The following TAB2 variants were observed in gnomAD, a reference collection of about 807,000 sequenced individuals.
TAB2 encodes the protein TGF-beta activated kinase 1 (MAP3K7) binding protein 2.
A neutral mutation model predicts 65.0 loss-of-function variants in TAB2; 3 were observed. The ratio of observed to expected loss-of-function variants is 0.05; its 90% CI spans 0.02 to 0.12. The LOEUF is 0.12. TAB2 is among the 10% of genes least tolerant of loss of function. The pLI is 1.00. For synonymous variants in TAB2, 298 were observed against 285.1 expected (o/e 1.05, Z -0.46); for missense variants, 623 against 840.3 (o/e 0.74, Z 3.20).
At chr6:149,336,573 A>G (rs997858767) in intron 1 of TAB2, among the ~76,000 whole-genome samples, 1 of 152,210 alleles carries the variant, frequency 6.6e-6, no homozygotes, top group Admixed American at 6.5e-5. Context: ...ATGTTGATTC[A>G]TAAAGCATTG....
At chr6:149,339,385 GAAA>G (rs71803243) in intron 1 of TAB2, among the ~76,000 whole-genome samples, 79 of 151,380 alleles carry the variant, frequency 5.2e-4, no homozygotes, top group African/African-American at 1.8e-3. Flanking sequence ...ATGAAAAAAA[GAAA>G]AAAAATCTAA....
At chr6:149,284,772 T>G (rs1263880453) in intron 1 of TAB2, among the ~76,000 whole-genome samples, 1 of 152,050 alleles carries the variant, frequency 6.6e-6, no homozygotes, top group African/African-American at 2.4e-5. Flanking sequence ...GCTGCTACAC[T>G]GCTAGAAAAA....
chr6:149,379,663 TTATATG>T (rs1781545174), intron 3 of TAB2, 145 bp downstream of exon 3: 1 of 693,286 alleles, frequency 1.4e-6, no homozygotes, highest in Non-Finnish European at 2.4e-6. Flanking sequence ...TTTGAGAGTA[TTATATG>T]TATATACATT....
At chr6:149,236,327 G>A (rs1272506856) in intron 1 of TAB2, among the ~76,000 whole-genome samples, 1 of 152,224 alleles carries the variant, frequency 6.6e-6, no homozygotes, top group Non-Finnish European at 1.5e-5. Context: ...AACAATAGGA[G>A]GTATTGTTGG....
At chr6:149,398,743 T>C (rs530681740) in intron 5 of TAB2, among the ~76,000 whole-genome samples, 1 of 152,282 alleles carries the variant, frequency 6.6e-6, no homozygotes, top group Non-Finnish European at 1.5e-5. Context: ...TAAAGCTGTT[T>C]AGTTACTTAA....
At chr6:149,237,780 A>G (rs1777528048) in intron 1 of TAB2, among the ~76,000 whole-genome samples, 2 of 152,168 alleles carry the variant, frequency 1.3e-5, no homozygotes, top group South Asian at 4.1e-4. Context: ...TGCCGAGCAT[A>G]GTGGGCTCAG....
intron 1 of TAB2, among the ~76,000 whole-genome samples, chr6:149,311,519 G>C (rs1050254910): frequency 2.0e-5 from 3 of 152,208 alleles, no homozygotes; most frequent in Non-Finnish European, 2.9e-5. Flanking sequence ...CCCAGTGTAT[G>C]GGGTCAGAAG....
intron 3 of TAB2, among the ~76,000 whole-genome samples, chr6:149,388,295 C>G (rs1781867445): frequency 6.6e-6 from 1 of 152,134 alleles, no homozygotes; most frequent in Non-Finnish European, 1.5e-5. Flanking sequence ...GCCTCTGCCT[C>G]AACGCATGTT....
chr6:149,231,036 G>A (rs1053914454), intron 1 of TAB2, among the ~76,000 whole-genome samples: 12 of 152,138 alleles, frequency 7.9e-5, no homozygotes, highest in African/African-American at 2.7e-4. Flanking sequence ...CCCAATGGGC[G>A]CTCTCAGAAG....
chr6:149,261,758 T>C (rs190367441), intron 1 of TAB2, among the ~76,000 whole-genome samples: 3 of 152,356 alleles, frequency 2.0e-5, no homozygotes, highest in Admixed American at 2.0e-4. Context: ...AACAACTAAG[T>C]TAAGCTGATC....
At chr6:149,347,686 A>G (rs1780348988) in intron 1 of TAB2, among the ~76,000 whole-genome samples, 2 of 152,148 alleles carry the variant, frequency 1.3e-5, no homozygotes, top group Admixed American at 6.5e-5. Context: ...TAGAATTGTA[A>G]CATCATGCTC....
intron 1 of TAB2, among the ~76,000 whole-genome samples, chr6:149,258,850 G>A (rs1212741374): frequency 2.0e-5 from 3 of 152,352 alleles, no homozygotes; most frequent in Admixed American, 2.0e-4. Flanking sequence ...CTTTAAAGTA[G>A]GGAGATTATT....
upstream of TAB2, among the ~76,000 whole-genome samples, chr6:149,315,833 A>G (rs1779239051): frequency 2.0e-5 from 3 of 151,868 alleles, no homozygotes; most frequent in Non-Finnish European, 2.9e-5. Context: ...TGTTATATGT[A>G]CCTTCTTTGC....
At chr6:149,257,697 C>T (rs1235449609) in intron 1 of TAB2, 1 of 152,160 alleles carries the variant, frequency 6.6e-6, no homozygotes, top group Non-Finnish European at 1.5e-5. Flanking sequence ...GGGCTCATCT[C>T]AGACCTTCCC....
At position 149,379,415 on chromosome 6, in the gene TAB2, C is replaced by T. The variant is rs768851019; in HGVS notation, c.1500C>T (p.Thr500=). 8.1e-5 allele frequency: 130 copies of T among 1,613,928 alleles called. No homozygotes were observed. The highest frequency in any genetic ancestry group is 1.1e-4 in the Non-Finnish European group (125 of 1,180,018). The part of the protein sequence containing the change: ...LLNHPDHYVE[T]ENIQHLTDPT... ...ATCATCCTGATCATTATGTAGAAAC[C>T]GAGAATATTCAGCACCTCACGGACC... Residue 500 remains threonine (T), a synonymous_variant, in exon 3 of 7, where the codon ACC becomes ACT. Coordinates refer to ENST00000637181, the MANE Select transcript of TAB2 (RefSeq NM_001292034.3).
rs1317632398 is a variant in TAB2, at chr6:149,378,923, T to G, written c.1008T>G (p.Asn336Lys). The change falls in exon 3 of 7, where the codon AAT becomes AAG. Residue 336 changes from asparagine to lysine, a missense_variant. Coordinates refer to ENST00000637181, the MANE Select transcript of TAB2 (RefSeq NM_001292034.3). ...IEIKLEPPQR[N>K]NSSKLRSSGP... is the part of the protein sequence containing the mutation. ...TCAAACTTGAACCCCCACAAAGAAA[T>G]AATTCTTCAAAACTGCGTTCTTCTG... 3.1e-6 allele frequency: 5 copies of G among 1,614,032 alleles called. No individual in the cohort carries two copies. The Admixed American group carries it at 5.0e-5, about 16-fold the overall frequency.
chr6:149,361,243 T>C (rs542788655), intron 1 of TAB2, among the ~76,000 whole-genome samples: 116 of 152,364 alleles, frequency 7.6e-4, no homozygotes, highest in Non-Finnish European at 1.3e-3. Context: ...TGCAGCAGGC[T>C]TCTGCCTGGC....
chr6:149,346,241 C>T (rs1258817894), intron 1 of TAB2, among the ~76,000 whole-genome samples: 1 of 152,024 alleles, frequency 6.6e-6, no homozygotes, highest in Non-Finnish European at 1.5e-5. Context: ...ACTCCTAGTG[C>T]TATTGTGCAC....
In TAB2 at chr6:149,369,944, A is replaced by G. The variant is rs1781164009; in HGVS notation, c.-54A>G. The G allele has an allele frequency of 1.4e-6, 2 of 1,479,030 alleles. No homozygotes were observed. The highest frequency in any genetic ancestry group is 1.9e-6 in the Non-Finnish European group (2 of 1,057,010). The allele number at this position is 1,479,030 out of a possible 1,614,324, so 91.6% of individuals were successfully genotyped here. A position where few individuals can be genotyped will look rare whatever the true frequency, so the allele number is the denominator to read the frequency against. On this transcript the variant is annotated 5_prime_UTR_variant, in exon 2 of 7. Transcript: ENST00000637181. Reference sequence around the variant, plus strand: ...GACAGAAGAGATGAGTACTATTTCCACTAAGGCCTAGAATTGCCTACTGTA... The same window carrying G: ...GACAGAAGAGATGAGTACTATTTCCGCTAAGGCCTAGAATTGCCTACTGTA...
Sources: gnomAD v4.1 joint callset for allele counts (sites outside exome capture counted in the v4.1 genomes callset) on GRCh38, gnomAD v4.1.1 for gene constraint, MANE v1.5 for transcripts, NCBI Gene and HGNC (gene_info 2026-07-23, HGNC 2026-07-21) for gene names.